The following IL21 variants were observed in gnomAD, a reference collection of about 807,000 sequenced individuals.
The protein encoded by IL21 is interleukin-21.
A neutral mutation model predicts 18.4 loss-of-function variants in IL21; 3 were observed. That is an observed-to-expected ratio of 0.16 (90% CI 0.07 to 0.42). IL21 has a LOEUF of 0.42. Among genes scored for constraint, IL21 ranks in the 10% least tolerant of loss-of-function variants. The pLI is 0.99. For synonymous variants in IL21, 37 were observed against 62.0 expected (o/e 0.60, Z 1.90); for missense variants, 130 against 188.4 (o/e 0.69, Z 1.81).
chr4:122,615,625 A>G, intron 3 of IL21, 57 bp downstream of exon 3: 1 of 1,504,202 alleles, frequency 6.6e-7, no homozygotes, highest in Non-Finnish European at 9.1e-7. Context: ...TGTTTATGTA[A>G]TGCAAGATAT....
At chr4:122,620,526 G>T (rs985861361) in intron 2 of IL21, among the ~76,000 whole-genome samples, 175 bp downstream of exon 2, 3 of 152,006 alleles carry the variant, frequency 2.0e-5, no homozygotes, top group African/African-American at 4.8e-5. Flanking sequence ...TTTTTAGTTG[G>T]TTTTTGGTAA....
rs1799261725 is a variant in IL21, at chr4:122,611,311, G to A, written c.*1399C>T. Among the ~76,000 whole-genome samples, 1 of 151,952 alleles carries A rather than the reference G, an allele frequency of 6.6e-6. No individual in the cohort carries two copies. The highest frequency in any genetic ancestry group is 2.4e-5 in the African/African-American group (1 of 41,368). ...CTTTTTTCTGAGTCTACTTGCTGAT[G>A]ATAAAACATTTCATTGAGATTTGAT... On this transcript the variant is annotated 3_prime_UTR_variant, in exon 5 of 5. Coordinates refer to ENST00000648588, the MANE Select transcript of IL21 (RefSeq NM_021803.4).
intron 2 of IL21, among the ~76,000 whole-genome samples, chr4:122,616,050 C>T (rs1307946353): frequency 6.6e-6 from 1 of 152,224 alleles, no homozygotes; most frequent in Non-Finnish European, 1.5e-5. Context: ...AGGAGCCTCA[C>T]TTCTTCACAA....
chr4:122,620,614 T>C, intron 2 of IL21, 87 bp downstream of exon 2: 1 of 1,072,202 alleles, frequency 9.3e-7, no homozygotes, highest in Non-Finnish European at 1.4e-6. Flanking sequence ...TTCAGTATAC[T>C]CCTATATAAT....
Position 122,615,669 on chromosome 4 carries a change from A to G in IL21, c.360+13T>C, listed in dbSNP as rs767524907. 1 of 1,607,100 alleles carries G rather than the reference A, an allele frequency of 6.2e-7. No homozygotes were observed. The highest frequency in any genetic ancestry group is 1.1e-5 in the South Asian group (1 of 89,620). On this transcript the variant is annotated intron_variant, in intron 3 of 4. Coordinates refer to ENST00000648588, the MANE Select transcript of IL21 (RefSeq NM_021803.4). ...TAAGTACAAATAAGAGAGATGACAA[A>G]TGACAATCTTACTAGTCTGTGTTTC...
In IL21 at chr4:122,615,690, G is replaced by T. The variant is rs1470850690; in HGVS notation, c.352C>A (p.His118Asn). 6.2e-7 allele frequency: 1 copy of T among 1,611,806 alleles called. No homozygotes were observed. Among genetic ancestry groups the T allele is most frequent in the African/African-American group, 1.3e-5 (1 of 74,854 alleles). Residue 118 changes from histidine to asparagine, a missense_variant, in exon 3 of 5, where the codon CAC becomes AAC. His to Asn is a moderately conservative substitution (Grantham distance 68). Coordinates refer to ENST00000648588, the MANE Select transcript of IL21 (RefSeq NM_021803.4). ...ACAAATGACAATCTTACTAGTCTGT[G>T]TTTCTGTCTTCTCCCTGCATTTGTG... ...PSTNAGRRQK[H>N]RLTCPSCDSY... is the part of the protein sequence containing the mutation.
rs1006070982 is a variant in IL21, at chr4:122,613,412, C to T, written c.361-484G>A. ...TGTCACCCAGGCTGGAGTGCAGTGG[C>T]GCGATCTCCACTGACTGCAACTTCC... is the stretch of plus-strand genomic sequence containing the variant. On this transcript the variant is annotated intron_variant, in intron 3 of 4. Coordinates refer to ENST00000648588, the MANE Select transcript of IL21 (RefSeq NM_021803.4). 2.2e-5 allele frequency among the ~76,000 whole-genome samples: 3 copies of T among 136,724 alleles called. No individual in the cohort carries two copies. In the East Asian group the frequency reaches 6.5e-4, roughly 30 times the overall value. 89.7% of individuals were successfully genotyped at this position (136,724 alleles called of 152,430 possible). A position where few individuals can be genotyped will look rare whatever the true frequency, so the allele number is the denominator to read the frequency against.
chr4:122,620,557 T>A, intron 2 of IL21, 144 bp downstream of exon 2: 1 of 712,134 alleles, frequency 1.4e-6, no homozygotes, highest in East Asian at 2.8e-5. Context: ...TTAACCAAAA[T>A]ATAAATAAAT....
At position 122,611,154 on chromosome 4, in the gene IL21, C is replaced by G. The variant is rs1044144428; in HGVS notation, c.*1556G>C. Among the ~76,000 whole-genome samples, 5 of 152,182 alleles carry G rather than the reference C, an allele frequency of 3.3e-5. No individual in the cohort carries two copies. Among genetic ancestry groups the G allele is most frequent in the Non-Finnish European group, 7.4e-5 (5 of 68,020 alleles). On this transcript the variant is annotated 3_prime_UTR_variant, in exon 5 of 5. Transcript: ENST00000648588. The stretch of plus-strand genomic sequence containing the variant: ...TGCTTCCACATTTTGTCACAACAAC[C>G]CGGGCTGGCGTATTTGAAACTGAGG...
At chr4:122,615,543 AG>A in intron 3 of IL21, 138 bp downstream of exon 3, 1 of 654,030 alleles carries the variant, frequency 1.5e-6, no homozygotes, top group Non-Finnish European at 2.4e-6. Flanking sequence ...AAAAAAAAAA[AG>A]CACCATGTAT....
In IL21 at chr4:122,612,841, A is replaced by G. The variant is rs1799279521; in HGVS notation, c.438+10T>C. The G allele has an allele frequency of 1.2e-6, 2 of 1,612,952 alleles. No individual in the cohort carries two copies. Among genetic ancestry groups the G allele is most frequent in the Non-Finnish European group, 1.7e-6 (2 of 1,179,342 alleles). On this transcript the variant is annotated intron_variant, in intron 4 of 4. Transcript: ENST00000648588. ...AAAGCAGAAAATCAAATGAAACTTA[A>G]GGTAGATACCTTTTGGAGAAGTGAT...
At position 122,614,184 on chromosome 4, in the gene IL21, T is replaced by A. The variant is rs115253820; in HGVS notation, c.361-1256A>T. ...TTGTAGATCTCACTTTCCTCATCTATAAGATGAACATGCTTAACTGGAGAG... is the reference window on the plus strand; with the variant it reads ...TTGTAGATCTCACTTTCCTCATCTAAAAGATGAACATGCTTAACTGGAGAG... On this transcript the variant is annotated intron_variant, in intron 3 of 4. Coordinates refer to ENST00000648588, the MANE Select transcript of IL21 (RefSeq NM_021803.4). Among the ~76,000 whole-genome samples the A allele has an allele frequency of 1.4e-3, 208 of 151,476 alleles. 1 individual carries two copies. Among genetic ancestry groups the A allele is most frequent in the African/African-American group, 4.9e-3 (203 of 41,262 alleles).
chr4:122,618,143 C>T (rs905350886), intron 2 of IL21, among the ~76,000 whole-genome samples: 2 of 152,150 alleles, frequency 1.3e-5, no homozygotes, highest in Admixed American at 6.5e-5. Context: ...CTAGAAGGAG[C>T]GGTAGTAAAG....
rs1292932311 is a variant in IL21, at chr4:122,611,399, A to G, written c.*1311T>C. The stretch of plus-strand genomic sequence containing the variant: ...AAGTCTGTATTTGTTTTAAGCACAT[A>G]ATTTTTCTTCTCAGAGCATAAAGCA... On this transcript the variant is annotated 3_prime_UTR_variant, in exon 5 of 5. Transcript: ENST00000648588. Among the ~76,000 whole-genome samples, 1 of 152,160 alleles carries G rather than the reference A, an allele frequency of 6.6e-6. No homozygotes were observed. The highest frequency in any genetic ancestry group is 1.5e-5 in the Non-Finnish European group (1 of 68,014).
At position 122,620,740 on chromosome 4, in the gene IL21, G is replaced by A. The variant is rs749292526; in HGVS notation, c.169-4C>T. On this transcript the variant is annotated splice_region_variant and splice_polypyrimidine_tract_variant and intron_variant, in intron 1 of 4. Coordinates refer to ENST00000648588, the MANE Select transcript of IL21 (RefSeq NM_021803.4). ...GAGCTGGCAGAAATTCAGGGACCTA[G>A]AGCAAAAGAAAATTTGTTCTGAGTT... 6.8e-6 allele frequency: 11 copies of A among 1,613,458 alleles called. No homozygotes were observed. The highest frequency in any genetic ancestry group is 1.7e-5 in the Admixed American group (1 of 59,958).
Position 122,611,327 on chromosome 4 carries a change from G to A in IL21, c.*1383C>T, listed in dbSNP as rs1799261829. Among the ~76,000 whole-genome samples the A allele has an allele frequency of 6.6e-6, 1 of 151,568 alleles. No individual in the cohort carries two copies. Among genetic ancestry groups the A allele is most frequent in the South Asian group, 2.1e-4 (1 of 4,800 alleles). ...CTTGCTGATGATAAAACATTTCATT[G>A]AGATTTGATTAAATAATTCTCAATA... On this transcript the variant is annotated 3_prime_UTR_variant, in exon 5 of 5. Transcript: ENST00000648588.
chr4:122,612,489 G>A lies in IL21; in HGVS notation c.*221C>T. 1 of 443,330 alleles carries A rather than the reference G, an allele frequency of 2.3e-6. No homozygotes were observed. 27.5% of individuals were successfully genotyped at this position (443,330 alleles called of 1,614,324 possible). On this transcript the variant is annotated 3_prime_UTR_variant, in exon 5 of 5. Coordinates refer to ENST00000648588, the MANE Select transcript of IL21 (RefSeq NM_021803.4). ...TTCAACCAAGAAATGTCAAAGTTGG[G>A]CAGTGAGATAAAGTAAAAACTTCAG...
intron 2 of IL21, chr4:122,618,911 TA>T (rs1244771399): frequency 3.3e-5 from 5 of 150,248 alleles, no homozygotes; most frequent in Admixed American, 2.7e-4. Flanking sequence ...TGGGGCTAGA[TA>T]ATTCTTTGTT....
chr4:122,621,014 G>A lies in IL21; in HGVS notation c.-3C>T, dbSNP rs929277659. 1.9e-6 allele frequency: 3 copies of A among 1,613,282 alleles called. No homozygotes were observed. The African/African-American group carries it at 4.0e-5, about 22-fold the overall frequency. On this transcript the variant is annotated 5_prime_UTR_variant, in exon 1 of 5. Coordinates refer to ENST00000648588, the MANE Select transcript of IL21 (RefSeq NM_021803.4). Reference sequence around the variant, plus strand: ...ATGTTGCCAGGACTGGATCTCATAAGTACCAACAGTAGAGCTAGACCTTGG... The same window carrying A: ...ATGTTGCCAGGACTGGATCTCATAAATACCAACAGTAGAGCTAGACCTTGG...
Sources: gnomAD v4.1 joint callset for allele counts (sites outside exome capture counted in the v4.1 genomes callset) on GRCh38, gnomAD v4.1.1 for gene constraint, MANE v1.5 for transcripts, NCBI Gene and HGNC (gene_info 2026-07-23, HGNC 2026-07-21) for gene names.